SPTBN5: variants seen among roughly 807,000 people sequenced by gnomAD.
SPTBN5 encodes the protein spectrin beta chain, non-erythrocytic 5.
Under a neutral mutation model 477.6 loss-of-function variants are expected in SPTBN5, and 513 were observed. The ratio of observed to expected loss-of-function variants is 1.07; its 90% CI spans 1.00 to 1.16. SPTBN5 has a LOEUF of 1.16. SPTBN5 is among the 50% of genes most tolerant of loss of function. SPTBN5 has a pLI of 0.00. For missense variants in SPTBN5, 5,062 were observed against 4,731.8 expected, an observed-to-expected ratio of 1.07 and a Z score of -2.05; for synonymous variants, 2,169 against 2,011.7, an observed-to-expected ratio of 1.08 and a Z score of -2.09.
intron 3 of SPTBN5, among the ~76,000 whole-genome samples, chr15:41,890,975 C>G (rs2067292835): frequency 6.6e-6 from 1 of 152,248 alleles, no homozygotes; most frequent in Non-Finnish European, 1.5e-5. Context: ...CACAGGACTT[C>G]AGGCCTTTGC....
At chr15:41,880,387 G>A in intron 13 of SPTBN5, 75 bp from the exon 14 acceptor site, 4 of 1,446,324 alleles carry the variant, frequency 2.8e-6, no homozygotes, top group Non-Finnish European at 3.7e-6. Flanking sequence ...TCAAAGGGGT[G>A]CTCCTCCCCA....
At position 41,850,842 on chromosome 15, in the gene SPTBN5, C is replaced by G; in HGVS notation, c.10921+12G>C. 2 of 1,585,726 alleles carry G rather than the reference C, an allele frequency of 1.3e-6. No individual in the cohort carries two copies. Among genetic ancestry groups the G allele is most frequent in the Non-Finnish European group, 1.7e-6 (2 of 1,167,060 alleles). ...TCGGCCGCCCTCCCCGCATCCTTCC[C>G]CTGAAGCCCACCTGCAGTGCTGCCC... On this transcript the variant is annotated intron_variant, in intron 66 of 67. Coordinates refer to ENST00000320955, the MANE Select transcript of SPTBN5 (RefSeq NM_016642.4).
At chr15:41,853,184 TGA>T (rs1247960487) in intron 59 of SPTBN5, 72 bp downstream of exon 59, 1 of 1,521,152 alleles carries the variant, frequency 6.6e-7, no homozygotes, top group Non-Finnish European at 8.9e-7. Context: ...TCCATGCCTG[TGA>T]GGGGCCCTGA....
chr15:41,850,135 T>TCC, intron 66 of SPTBN5, 176 bp from the exon 67 acceptor site: 1 of 605,434 alleles, frequency 1.7e-6, no homozygotes, highest in South Asian at 1.9e-5. Flanking sequence ...GGCAGGTTTT[T>TCC]CCCCCATGCG....
intron 63 of SPTBN5, 43 bp downstream of exon 63, chr15:41,851,736 G>T (rs761172344): frequency 7.4e-6 from 11 of 1,488,206 alleles, no homozygotes; most frequent in Non-Finnish European, 9.3e-6. Context: ...AAGTGCTGCT[G>T]CAAGTGGGGA....
intron 43 of SPTBN5, 53 bp downstream of exon 43, chr15:41,862,486 G>T: frequency 6.4e-7 from 1 of 1,564,826 alleles, no homozygotes; most frequent in Non-Finnish European, 8.7e-7. Flanking sequence ...GGAGGTGTGG[G>T]GACTGAGATG....
intron 23 of SPTBN5, 94 bp downstream of exon 23, chr15:41,874,748 G>A: frequency 7.8e-7 from 1 of 1,285,310 alleles, no homozygotes; most frequent in Non-Finnish European, 1.1e-6. Flanking sequence ...TAAGGGAGGA[G>A]GTCTGGACAC....
chr15:41,862,392 G>A (rs2066142540), intron 43 of SPTBN5, 100 bp from the exon 44 acceptor site: 4 of 1,520,166 alleles, frequency 2.6e-6, no homozygotes, highest in South Asian at 1.3e-5. Context: ...CCACAGGAGG[G>A]CCCATGGGCT....
intron 67 of SPTBN5, 62 bp from the exon 68 acceptor site, chr15:41,848,690 ACACAC>A (rs2065638841): frequency 1.3e-6 from 2 of 1,592,938 alleles, no homozygotes; most frequent in Non-Finnish European, 1.7e-6. Flanking sequence ...CTCCAAACAA[ACACAC>A]ACTGGTGCCC....
chr15:41,851,080 C>G lies in SPTBN5; in HGVS notation c.10814G>C (p.Arg3605Thr). Residue 3605 changes from arginine to threonine, a missense_variant, in exon 65 of 68, where the codon AGG (arginine) becomes ACG (threonine). Coordinates refer to ENST00000320955, the MANE Select transcript of SPTBN5 (RefSeq NM_016642.4). ...RCERLRGRHG[R>T]KHTFSLRLTS... ...TCACCTTAAGGAGAATGTGTGTTTC[C>G]TGCCGTGGCGGCCCCGCAGCCTCTC... is the stretch of plus-strand genomic sequence containing the variant. 6.2e-7 allele frequency: 1 copy of G among 1,612,710 alleles called. No individual in the cohort carries two copies.
rs1595429954 is a variant in SPTBN5 at position 41,848,167 on chromosome 15, T to A, written c.*449A>T. The A allele has an allele frequency of 1.9e-6, 1 of 533,828 alleles. No homozygotes were observed. Among genetic ancestry groups the A allele is most frequent in the East Asian group, 3.3e-5 (1 of 30,418 alleles). 33.1% of individuals were successfully genotyped at this position (533,828 alleles called of 1,614,324 possible). A position where few individuals can be genotyped will look rare whatever the true frequency, so the allele number is the denominator to read the frequency against. Reference sequence around the variant, plus strand: ...AATGTGAGGCGCTGAGACCATCTGTTATTACTGCTGAGAAGGGCCATGTCA... The same window carrying A: ...AATGTGAGGCGCTGAGACCATCTGTAATTACTGCTGAGAAGGGCCATGTCA... On this transcript the variant is annotated 3_prime_UTR_variant, in exon 68 of 68. Transcript: ENST00000320955.
rs550716512 is a variant in SPTBN5 at position 41,876,131 on chromosome 15, C to T, written c.4105G>A (p.Val1369Met). 6.2e-6 allele frequency: 10 copies of T among 1,602,032 alleles called. No individual in the cohort carries two copies. Among genetic ancestry groups the T allele is most frequent in the South Asian group, 5.5e-5 (5 of 91,052 alleles). ...ESELLATRRH[V>M]EALQQVGREL... Reference sequence around the variant, plus strand: ...TCCCCCACCTGCTGCAGGGCCTCCACGTGTCTGCGGGTGGCGAGTAGCTCG... The same window carrying T: ...TCCCCCACCTGCTGCAGGGCCTCCATGTGTCTGCGGGTGGCGAGTAGCTCG... The change falls in exon 21 of 68, where the codon GTG (valine) becomes ATG (methionine). Residue 1369 changes from valine (V) to methionine (M), a missense_variant. Val to Met is a conservative substitution (Grantham distance 21, BLOSUM62 1). Coordinates refer to ENST00000320955, the MANE Select transcript of SPTBN5 (RefSeq NM_016642.4).
Position 41,861,762 on chromosome 15 carries a change from T to C in SPTBN5, c.7710A>G (p.Leu2570=). The change falls in exon 45 of 68, where the codon CTA becomes CTG. Residue 2570 remains leucine (L), a synonymous_variant. Coordinates refer to ENST00000320955, the MANE Select transcript of SPTBN5 (RefSeq NM_016642.4). ...SLEGAWQEHQ[L]QLQQALELQL... is the part of the protein sequence containing the mutation. ...GTAGCTCCAGGGCCTGCTGCAGCTG[T>C]AGCTGATGCTCCTGCCAGGCCCCTT... 1 of 1,552,178 alleles carries C rather than the reference T, an allele frequency of 6.4e-7. No homozygotes were observed.
rs372001786 is a variant in SPTBN5 at position 41,882,474 on chromosome 15, C to A, written c.2047-5G>T. 8 of 1,554,884 alleles carry A rather than the reference C, an allele frequency of 5.1e-6. No individual in the cohort carries two copies. The highest frequency in any genetic ancestry group is 4.7e-5 in the South Asian group (4 of 85,240). ...GTGGACCTCAGCTTCCAGGGCCTAG[C>A]GGGGGGCAGAGCAGGGGGCTCAGTG... On this transcript the variant is annotated splice_polypyrimidine_tract_variant and splice_region_variant and intron_variant, in intron 10 of 67. Transcript: ENST00000320955.
chr15:41,856,735 G>A, intron 52 of SPTBN5, 118 bp downstream of exon 52: 3 of 1,346,890 alleles, frequency 2.2e-6, no homozygotes, highest in East Asian at 2.5e-5. Context: ...AAGAATCCAG[G>A]GCATCCCAAA....
chr15:41,848,374 G>A lies in SPTBN5; in HGVS notation c.*242C>T, dbSNP rs372821744. On this transcript the variant is annotated 3_prime_UTR_variant, in exon 68 of 68. Transcript: ENST00000320955. The stretch of plus-strand genomic sequence containing the variant: ...CCTGGCCTTGCCCACCTGCTCTGCC[G>A]TAACACGTCTCCTCTTCACCCAGAC... 1.5e-4 allele frequency: 92 copies of A among 595,914 alleles called. No homozygotes were observed. The highest frequency in any genetic ancestry group is 4.3e-4 in the African/African-American group (23 of 53,862). The allele number at this position is 595,914 out of a possible 1,614,324, so 36.9% of individuals were successfully genotyped here. A position where few individuals can be genotyped will look rare whatever the true frequency, so the allele number is the denominator to read the frequency against.
At chr15:41,875,201 C>T in intron 22 of SPTBN5, 145 bp from the exon 23 acceptor site, 1 of 878,546 alleles carries the variant, frequency 1.1e-6, no homozygotes, top group South Asian at 1.8e-5. Context: ...GCCAGAAGTG[C>T]CCAATCTTCC....
chr15:41,867,114 G>T lies in SPTBN5; in HGVS notation c.6325C>A (p.Arg2109Ser), dbSNP rs984210412. The T allele has an allele frequency of 2.0e-6, 3 of 1,536,014 alleles. No homozygotes were observed. Among genetic ancestry groups the T allele is most frequent in the African/African-American group, 1.4e-5 (1 of 73,044 alleles). Residue 2109 changes from arginine (R) to serine (S), a missense_variant, in exon 36 of 68, where the codon CGT (arginine) becomes AGT (serine). Arg to Ser is a moderately radical substitution (Grantham distance 110). Transcript: ENST00000320955. ...CGCCGGAGCGTCTTCAGCCGCTCAC[G>T]CAGGGCTGCCTCCTGTGGGGCAGGG... ...TAQDKKEAAL[R>S]ERLKTLRRPR...
rs541697874 is a variant in SPTBN5 at position 41,868,734 on chromosome 15, G to A, written c.5854-133C>T. 114 of 776,370 alleles carry A rather than the reference G, an allele frequency of 1.5e-4. 3 individuals are homozygous for A. The South Asian group carries it at 1.9e-3, about 13-fold the overall frequency. The allele number at this position is 776,370 out of a possible 1,614,324, so 48.1% of individuals were successfully genotyped here. On this transcript the variant is annotated intron_variant, in intron 32 of 67. Coordinates refer to ENST00000320955, the MANE Select transcript of SPTBN5 (RefSeq NM_016642.4). Reference sequence around the variant, plus strand: ...GCCGACCTGGGTCAGGGCCTCGGGTGAGGCACATGTGGCCCTTTGTCACTT... The same window carrying A: ...GCCGACCTGGGTCAGGGCCTCGGGTAAGGCACATGTGGCCCTTTGTCACTT...
Sources: gnomAD v4.1 joint callset for allele counts (sites outside exome capture counted in the v4.1 genomes callset) on GRCh38, gnomAD v4.1.1 for gene constraint, MANE v1.5 for transcripts, NCBI Gene and HGNC (gene_info 2026-07-23, HGNC 2026-07-21) for gene names.